The following PRIMPOL variants were observed in gnomAD, a reference collection of about 807,000 sequenced individuals.
The protein encoded by PRIMPOL is DNA-directed primase/polymerase protein.
Under a neutral mutation model 63.6 loss-of-function variants are expected in PRIMPOL, and 54 were observed. The observed-to-expected ratio is 0.85, with a 90% confidence interval of 0.68 to 1.07. The LOEUF is 1.07. Among genes scored for constraint, PRIMPOL ranks in the 50% least tolerant of loss-of-function variants. PRIMPOL has a pLI of 0.00. For missense variants in PRIMPOL, 610 were observed against 648.3 expected, an observed-to-expected ratio of 0.94 and a Z score of 0.64; for synonymous variants, 197 against 220.2, an observed-to-expected ratio of 0.89 and a Z score of 0.93.
chr4:184,690,088 C>CAG (rs1758093069), intron 11 of PRIMPOL, among the ~76,000 whole-genome samples: 1 of 152,156 alleles, frequency 6.6e-6, no homozygotes, highest in African/African-American at 2.4e-5. Flanking sequence ...CACACCTCAC[C>CAG]TACTGCCATG....
At chr4:184,651,009 T>A (rs189523130) in intron 1 of PRIMPOL, among the ~76,000 whole-genome samples, 5 of 151,782 alleles carry the variant, frequency 3.3e-5, no homozygotes, top group Middle Eastern at 3.4e-3. Context: ...AGAGGTTAAG[T>A]CCCGGCGCGG....
chr4:184,650,508 TTAAAG>T (rs1253239215), intron 1 of PRIMPOL, among the ~76,000 whole-genome samples: 5 of 152,208 alleles, frequency 3.3e-5, no homozygotes, highest in South Asian at 2.1e-4. Context: ...TATTTGTTTA[TTAAAG>T]TATAGTATGC....
In PRIMPOL at chr4:184,691,580, CTG is replaced by C. The variant is rs773706364; in HGVS notation, c.1378+1_1378+2del. The C allele has an allele frequency of 1.1e-5, 18 of 1,603,104 alleles. No homozygotes were observed. Among genetic ancestry groups the C allele is most frequent in the Non-Finnish European group, 1.5e-5 (17 of 1,171,626 alleles). ...GTAAAGCAGAAAACTTCAAATCTGACTGTAAGTTACTAATTTTTACATTTACC... is the reference window on the plus strand; with the variant it reads ...GTAAAGCAGAAAACTTCAAATCTGACTAAGTTACTAATTTTTACATTTACC... On this transcript the variant is annotated splice_donor_variant and coding_sequence_variant, in exon 12 of 14. Coordinates refer to ENST00000314970, the MANE Select transcript of PRIMPOL (RefSeq NM_152683.4). LOFTEE classifies it high-confidence loss of function.
chr4:184,663,520 TAATGA>T (rs1231481146), intron 5 of PRIMPOL, among the ~76,000 whole-genome samples: 4 of 152,232 alleles, frequency 2.6e-5, no homozygotes, highest in Admixed American at 2.6e-4. Flanking sequence ...GAAATATTTC[TAATGA>T]AATGAACACT....
At position 184,654,453 on chromosome 4, in the gene PRIMPOL, G is replaced by GTTTTTTTTTTTTGTT. The variant is rs869026768; in HGVS notation, c.-60+2365_-60+2366insGTTTTTTTTTTTTTT. Among the ~76,000 whole-genome samples, 159 of 33,440 alleles carry GTTTTTTTTTTTTGTT rather than the reference G, an allele frequency of 4.8e-3. 1 individual carries two copies. Among genetic ancestry groups the GTTTTTTTTTTTTGTT allele is most frequent in the East Asian group, 0.012 (4 of 338 alleles). 21.9% of individuals were successfully genotyped at this position (33,440 alleles called of 152,430 possible). On this transcript the variant is annotated intron_variant, in intron 2 of 13. Transcript: ENST00000314970. ...CACTTTGTATTGACAAGTTAAAGCA[G>GTTTTTTTTTTTTGTT]TTTTTTTTTTTTTTTGAGACAGAGT...
intron 3 of PRIMPOL, 107 bp from the exon 4 acceptor site, chr4:184,659,232 GT>G (rs1236935724): frequency 1.3e-6 from 1 of 782,982 alleles, no homozygotes; most frequent in African/African-American, 1.7e-5. Flanking sequence ...TCAAATTACA[GT>G]TTCTGAAAAC....
intron 7 of PRIMPOL, among the ~76,000 whole-genome samples, chr4:184,676,223 C>T (rs1179683713): frequency 6.6e-6 from 1 of 151,876 alleles, no homozygotes; most frequent in Non-Finnish European, 1.5e-5. Flanking sequence ...CCTCCTGCCT[C>T]AGCCTCCCCA....
chr4:184,653,850 A>G (rs1745442249), intron 2 of PRIMPOL, among the ~76,000 whole-genome samples: 1 of 152,076 alleles, frequency 6.6e-6, no homozygotes, highest in South Asian at 2.1e-4. Context: ...GGAATGTGAT[A>G]GTCCCAAACC....
At chr4:184,663,631 C>T (rs1440683222) in intron 5 of PRIMPOL, among the ~76,000 whole-genome samples, 1 of 152,178 alleles carries the variant, frequency 6.6e-6, no homozygotes, top group African/African-American at 2.4e-5. Context: ...CTTTATACTA[C>T]TTTATCCAAA....
intron 6 of PRIMPOL, among the ~76,000 whole-genome samples, chr4:184,669,108 A>G (rs559126031): frequency 1.3e-5 from 2 of 152,262 alleles, no homozygotes; most frequent in Non-Finnish European, 2.9e-5. Context: ...GCATTAATAA[A>G]TACCTTTAGG....
chr4:184,689,731 G>A (rs1757988772), intron 11 of PRIMPOL, among the ~76,000 whole-genome samples: 1 of 152,078 alleles, frequency 6.6e-6, no homozygotes, highest in Admixed American at 6.6e-5. Flanking sequence ...TGGGATTACA[G>A]GCGCGAGCCA....
chr4:184,664,825 T>A (rs960653378), intron 5 of PRIMPOL, among the ~76,000 whole-genome samples: 1 of 152,152 alleles, frequency 6.6e-6, no homozygotes, highest in South Asian at 2.1e-4. Context: ...CATGTCAAAC[T>A]AATCACATAA....
At chr4:184,672,493 C>G in intron 7 of PRIMPOL, 33 bp downstream of exon 7, 1 of 1,554,924 alleles carries the variant, frequency 6.4e-7, no homozygotes, top group South Asian at 1.3e-5. Flanking sequence ...TCCATCAGAC[C>G]GCCCTGGTGC....
chr4:184,664,446 A>G (rs1008578654), intron 5 of PRIMPOL, among the ~76,000 whole-genome samples: 1 of 152,126 alleles, frequency 6.6e-6, no homozygotes, highest in Non-Finnish European at 1.5e-5. Flanking sequence ...ACAGAAACCT[A>G]TTTCTCCCCC....
intron 6 of PRIMPOL, among the ~76,000 whole-genome samples, chr4:184,667,605 T>A (rs142159240): frequency 4.0e-5 from 6 of 151,600 alleles, no homozygotes; most frequent in South Asian, 2.1e-4. Flanking sequence ...CCACCGTGCC[T>A]GGCCGAAAGT....
At chr4:184,691,305 T>A in intron 11 of PRIMPOL, 194 bp from the exon 12 acceptor site, 1 of 507,948 alleles carries the variant, frequency 2.0e-6, no homozygotes, top group Non-Finnish European at 3.5e-6. Flanking sequence ...TATCTACTTT[T>A]TGCCCTGCAG....
In PRIMPOL at chr4:184,685,662, G is replaced by T; in HGVS notation, c.1273G>T (p.Ala425Ser). The change falls in exon 11 of 14, where the codon GCC becomes TCC. Residue 425 changes from alanine (A) to serine (S), a missense_variant. Transcript: ENST00000314970. ...TCGGTGGTGTGAAAACATTGGAAGAGCCCATAAGAGTAATAATATAATGTA... is the reference window on the plus strand; with the variant it reads ...TCGGTGGTGTGAAAACATTGGAAGATCCCATAAGAGTAATAATATAATGTA... ...KYRWCENIGRAHKSNNIMILV... is the reference protein window; with the variant it reads ...KYRWCENIGRSHKSNNIMILV... The T allele has an allele frequency of 6.5e-7, 1 of 1,544,064 alleles. No homozygotes were observed. Among genetic ancestry groups the T allele is most frequent in the African/African-American group, 1.4e-5 (1 of 73,562 alleles).
chr4:184,652,653 G>A (rs748658334), intron 2 of PRIMPOL, among the ~76,000 whole-genome samples: 1 of 152,142 alleles, frequency 6.6e-6, no homozygotes, highest in African/African-American at 2.4e-5. Flanking sequence ...TACTTTAGCA[G>A]TGGGAGAAAT....
intron 7 of PRIMPOL, among the ~76,000 whole-genome samples, chr4:184,675,928 C>T (rs753912564): frequency 1.3e-5 from 2 of 152,028 alleles, no homozygotes; most frequent in Non-Finnish European, 2.9e-5. Flanking sequence ...TGCCTTTGTA[C>T]CCTTAGTTGT....
Sources: gnomAD v4.1 joint callset for allele counts (sites outside exome capture counted in the v4.1 genomes callset) on GRCh38, gnomAD v4.1.1 for gene constraint, MANE v1.5 for transcripts, NCBI Gene and HGNC (gene_info 2026-07-23, HGNC 2026-07-21) for gene names.